The following SAXO3 variants were observed in gnomAD, a reference collection of about 807,000 sequenced individuals.
SAXO3 encodes the protein stabilizer of axonemal microtubules 3, also known as CTB-60B18.10.
At chr19:49,020,470 C>G in the SAXO3 span, 2 of 399,066 alleles carry the variant, frequency 5.0e-6, no homozygotes, top group Admixed American at 4.4e-5. Flanking sequence ...CCAGGTACCT[C>G]GGTTGCAGAG....
At chr19:49,019,336 C>T in the SAXO3 span, 1 of 1,183,262 alleles carries the variant, frequency 8.5e-7, no homozygotes. Context: ...TGGAGCTGAG[C>T]TGCATCTTGG....
At chr19:49,020,072 T>C in the SAXO3 span, 6 of 1,413,920 alleles carry the variant, frequency 4.2e-6, no homozygotes, top group South Asian at 7.5e-5. Flanking sequence ...GTGAGAATCC[T>C]GCTTTGCAAC....
the SAXO3 span, chr19:49,018,964 C>G: frequency 1.3e-6 from 2 of 1,534,076 alleles, no homozygotes; most frequent in African/African-American, 1.4e-5. Flanking sequence ...AAAGGCCGGC[C>G]AGACAGCTCG....
chr19:49,018,799 G>A, the SAXO3 span: 2 of 1,313,864 alleles, frequency 1.5e-6, no homozygotes, highest in Non-Finnish European at 2.1e-6. Flanking sequence ...ATGGGAGCCA[G>A]CCCAGGGGCT....
the SAXO3 span, chr19:49,019,110 C>T: frequency 7.3e-5 from 104 of 1,434,440 alleles, no homozygotes; most frequent in Non-Finnish European, 8.3e-5. Flanking sequence ...ACAGCCATGA[C>T]GGCCACGGCC....
chr19:49,019,619 TCGCCGG>T, the SAXO3 span: 1 of 1,256,648 alleles, frequency 8.0e-7, no homozygotes, highest in Non-Finnish European at 1.0e-6. Context: ...CCGCCCCGTC[TCGCCGG>T]CGCCGGCTTC....
the SAXO3 span, chr19:49,019,716 C>A: frequency 4.3e-4 from 507 of 1,174,698 alleles, no homozygotes; most frequent in Non-Finnish European, 5.3e-4. Flanking sequence ...CCGGGGCGCG[C>A]GGGTCCCCGC....
chr19:49,018,992 A>G, the SAXO3 span: 18 of 1,532,544 alleles, frequency 1.2e-5, no homozygotes, highest in East Asian at 2.4e-5. Flanking sequence ...TCGTCCAGGC[A>G]ATTAGAGCCT....
At chr19:49,018,320 G>C in the SAXO3 span, 1 of 1,215,646 alleles carries the variant, frequency 8.2e-7, no homozygotes, top group Non-Finnish European at 1.0e-6. Flanking sequence ...GTCCTTGCGG[G>C]GGTATCCGGA....
At chr19:49,019,287 C>A in the SAXO3 span, 1 of 1,216,664 alleles carries the variant, frequency 8.2e-7, no homozygotes, top group Non-Finnish European at 1.0e-6. Flanking sequence ...AACAACCTCC[C>A]TGGTTCCGCT....
At chr19:49,018,231 A>AGGAGCGCGGACAGGGC in the SAXO3 span, 1 of 702,204 alleles carries the variant, frequency 1.4e-6, no homozygotes, top group South Asian at 7.3e-5. Flanking sequence ...GGCGGCCGGG[A>AGGAGCGCGGACAGGGC]GGAGCGCGGA....
At chr19:49,019,438 C>T in the SAXO3 span, 1 of 1,259,956 alleles carries the variant, frequency 7.9e-7, no homozygotes, top group Non-Finnish European at 1.0e-6. Context: ...CCGTCTAGCT[C>T]CGCAGCAGCT....
chr19:49,019,661 C>G, the SAXO3 span: 2 of 1,262,182 alleles, frequency 1.6e-6, no homozygotes, highest in Non-Finnish European at 2.0e-6. Flanking sequence ...GAAGGACCCC[C>G]GCGGTGGTGG....
chr19:49,019,574 G>C, the SAXO3 span: 1 of 1,221,854 alleles, frequency 8.2e-7, no homozygotes, highest in East Asian at 3.2e-5. Flanking sequence ...CCAAAGCCGT[G>C]ATTCCTTCTG....
the SAXO3 span, chr19:49,018,833 G>A: frequency 5.5e-5 from 82 of 1,479,656 alleles, no homozygotes; most frequent in Non-Finnish European, 6.8e-5. Context: ...CCACGGCGGG[G>A]GCTGTGCAGG....
At chr19:49,020,200 A>G in the SAXO3 span, 1 of 497,340 alleles carries the variant, frequency 2.0e-6, no homozygotes, top group Non-Finnish European at 3.5e-6. Flanking sequence ...GTCGGCCCCC[A>G]GCCCTTTCCT....
the SAXO3 span, chr19:49,019,626 CG>C: frequency 8.0e-7 from 1 of 1,257,218 alleles, no homozygotes; most frequent in Non-Finnish European, 1.0e-6. Context: ...GTCTCGCCGG[CG>C]CCGGCTTCCA....
At chr19:49,020,178 T>C in the SAXO3 span, 1 of 523,016 alleles carries the variant, frequency 1.9e-6, no homozygotes, top group Non-Finnish European at 3.3e-6. Context: ...CCCCAAACTC[T>C]GACCTCTTCC....
chr19:49,019,064 G>C, the SAXO3 span: 1 of 1,468,350 alleles, frequency 6.8e-7, no homozygotes, highest in South Asian at 1.3e-5. Context: ...CCCAAGCCCT[G>C]GGTCCCGAGT....
Sources: allele counts gnomAD v4.1 joint callset, GRCh38; gene constraint gnomAD v4.1.1; transcripts MANE v1.5; gene names NCBI Gene and HGNC (gene_info 2026-07-23, HGNC 2026-07-21).